ROBO2: variants seen among roughly 807,000 people sequenced by gnomAD.
The protein encoded by ROBO2 is roundabout homolog 2.
In ROBO2, 53 loss-of-function variants were observed where a neutral mutation model predicts 160.8. That is an observed-to-expected ratio of 0.33 (90% confidence interval 0.26 to 0.41). ROBO2 has a LOEUF of 0.41. Ranked by LOEUF, ROBO2 falls within the 10% of genes least tolerant of loss-of-function variation. The pLI is 1.00. For missense variants in ROBO2, 1,577 were observed against 1,722.4 expected, an observed-to-expected ratio of 0.92 and a Z score of 1.49; for synonymous variants, 664 against 611.7, an observed-to-expected ratio of 1.09 and a Z score of -1.26.
chr3:76,347,513 AG>A (rs1222071063), intron 2 of ROBO2, among the ~76,000 whole-genome samples: 1 of 152,112 alleles, frequency 6.6e-6, no homozygotes, highest in Non-Finnish European at 1.5e-5. Flanking sequence ...AATAATTCAG[AG>A]GAGATGAATT....
chr3:76,033,892 G>A (rs565417728), intron 2 of ROBO2, among the ~76,000 whole-genome samples: 10 of 152,282 alleles, frequency 6.6e-5, no homozygotes, highest in African/African-American at 2.2e-4. Flanking sequence ...TCCTTAATAG[G>A]AGATCCTGGA....
At chr3:77,009,945 TAAAAA>T (rs11436984) in intron 2 of ROBO2, among the ~76,000 whole-genome samples, 45 of 104,484 alleles carry the variant, frequency 4.3e-4, no homozygotes, top group African/African-American at 1.3e-3. Context: ...GACTCTGTCT[TAAAAA>T]AAAAAAAAAA....
At chr3:77,090,323 CTTTTTTTTTTTTTTTTTT>C (rs542280937) in intron 1 of ROBO2, among the ~76,000 whole-genome samples, 7 of 70,754 alleles carry the variant, frequency 9.9e-5, no homozygotes, top group Non-Finnish European at 1.6e-4. Flanking sequence ...CTAAACCACT[CTTTTTTTTTTTTTTTTTT>C]TTTTTTTTTT....
At chr3:75,988,262 G>A (rs1044342062) in intron 2 of ROBO2, among the ~76,000 whole-genome samples, 2 of 151,928 alleles carry the variant, frequency 1.3e-5, no homozygotes, top group Non-Finnish European at 2.9e-5. Context: ...GTCTTCGTAT[G>A]TTGCATATTT....
At chr3:77,216,699 T>C (rs938900276) in intron 2 of ROBO2, among the ~76,000 whole-genome samples, 6 of 152,246 alleles carry the variant, frequency 3.9e-5, no homozygotes, top group Admixed American at 3.3e-4. Flanking sequence ...GAGCTGTTCC[T>C]ATTCGGCCAT....
intron 2 of ROBO2, among the ~76,000 whole-genome samples, chr3:77,238,648 T>G (rs9846483): frequency 0.11 from 16,018 of 152,258 alleles, 1,012 homozygotes; most frequent in Middle Eastern, 0.14. Flanking sequence ...ATTTTCTTTT[T>G]TAGAAACAGA....
intron 2 of ROBO2, among the ~76,000 whole-genome samples, chr3:76,952,689 A>G (rs13094342): frequency 1.1e-4 from 16 of 149,822 alleles, no homozygotes; most frequent in Non-Finnish European, 1.6e-4. Context: ...CTGTGTGTGT[A>G]TATATATATA....
chr3:76,356,376 A>C (rs1283275748), intron 2 of ROBO2, among the ~76,000 whole-genome samples: 1 of 151,758 alleles, frequency 6.6e-6, no homozygotes, highest in Non-Finnish European at 1.5e-5. Context: ...TAAGAAAAAA[A>C]AGCCAGGTTG....
intron 2 of ROBO2, among the ~76,000 whole-genome samples, chr3:76,466,547 C>A (rs560784585): frequency 6.6e-6 from 1 of 151,978 alleles, no homozygotes; most frequent in Non-Finnish European, 1.5e-5. Context: ...TGATGGTGTA[C>A]AATGAAACAC....
chr3:77,355,856 C>T (rs2069038342), intron 2 of ROBO2, among the ~76,000 whole-genome samples: 1 of 150,668 alleles, frequency 6.6e-6, no homozygotes, highest in Admixed American at 6.6e-5. Context: ...ACATTAATAG[C>T]ATATATAACC....
chr3:76,673,242 T>C (rs2092316375), intron 2 of ROBO2, among the ~76,000 whole-genome samples: 1 of 152,176 alleles, frequency 6.6e-6, no homozygotes, highest in South Asian at 2.1e-4. Context: ...CTTCAAGATC[T>C]GCAATGACAA....
intron 2 of ROBO2, among the ~76,000 whole-genome samples, chr3:77,433,925 C>A (rs894058311): frequency 6.6e-6 from 1 of 152,040 alleles, no homozygotes; most frequent in African/African-American, 2.4e-5. Context: ...AATTGGGAAT[C>A]CATCTACTTC....
intron 2 of ROBO2, among the ~76,000 whole-genome samples, chr3:77,130,637 T>G (rs1389055340): frequency 6.6e-6 from 1 of 152,182 alleles, no homozygotes; most frequent in Non-Finnish European, 1.5e-5. Context: ...ATATTTAAGA[T>G]CTGAGCCATT....
At chr3:77,496,855 T>C in intron 5 of ROBO2, among the ~76,000 whole-genome samples, 1 of 152,104 alleles carries the variant, frequency 6.6e-6, no homozygotes, top group Admixed American at 6.6e-5. Context: ...GAGTATTTTT[T>C]CCCCTTGCCT....
chr3:76,810,731 A>G (rs1360229059), intron 2 of ROBO2, among the ~76,000 whole-genome samples: 1 of 152,208 alleles, frequency 6.6e-6, no homozygotes, highest in Non-Finnish European at 1.5e-5. Flanking sequence ...ACATTACCCA[A>G]GAAATGGTGA....
Position 77,634,854 on chromosome 3 carries a change from T to C in ROBO2, c.3761-16T>C, listed in dbSNP as rs746147601. Reference sequence around the variant, plus strand: ...ATGTCATTCTCTAGAACCCATTCCCTTTATTTTCATTTTAGGAAAAGCCTT... The same window carrying C: ...ATGTCATTCTCTAGAACCCATTCCCCTTATTTTCATTTTAGGAAAAGCCTT... On this transcript the variant is annotated splice_polypyrimidine_tract_variant and intron_variant, in intron 23 of 25. Coordinates refer to ENST00000461745, the Ensembl canonical transcript of ROBO2. The C allele has an allele frequency of 1.2e-5, 19 of 1,613,362 alleles. No individual in the cohort carries two copies. The highest frequency in any genetic ancestry group is 1.6e-5 in the Non-Finnish European group (19 of 1,179,426).
chr3:76,787,073 T>A (rs1214061119), intron 2 of ROBO2, among the ~76,000 whole-genome samples: 1 of 150,958 alleles, frequency 6.6e-6, no homozygotes, highest in African/African-American at 2.4e-5. Flanking sequence ...CCAGGTCTCA[T>A]GAGAACTCAC....
intron 2 of ROBO2, among the ~76,000 whole-genome samples, chr3:76,077,113 A>G (rs781526543): frequency 1.3e-5 from 2 of 152,224 alleles, no homozygotes; most frequent in Non-Finnish European, 2.9e-5. Flanking sequence ...CTCGTACACA[A>G]TAAATGCAGT....
At chr3:76,222,175 C>T (rs1704007944) in intron 2 of ROBO2, among the ~76,000 whole-genome samples, 1 of 152,230 alleles carries the variant, frequency 6.6e-6, no homozygotes, top group East Asian at 1.9e-4. Context: ...ATCTGAGCCA[C>T]GTGGCACCAA....
Sources: allele counts gnomAD v4.1 joint callset (sites outside exome capture counted in the v4.1 genomes callset), GRCh38; gene constraint gnomAD v4.1.1; transcripts MANE v1.5; gene names NCBI Gene and HGNC (gene_info 2026-07-23, HGNC 2026-07-21).